AGPAT3: variants seen among roughly 807,000 people sequenced by gnomAD.
AGPAT3 encodes 1-acyl-sn-glycerol-3-phosphate acyltransferase gamma.
AGPAT3 carries 5 observed loss-of-function variants against 47.3 expected under a neutral mutation model. That is an observed-to-expected ratio of 0.11 (90% CI 0.06 to 0.22). AGPAT3 has a LOEUF of 0.22. Ranked by LOEUF, AGPAT3 falls within the 10% of genes least tolerant of loss-of-function variation. The probability of loss-of-function intolerance (pLI) is 1.00; values close to 1 mark genes in which losing one functional copy is unlikely to be tolerated. For missense variants in AGPAT3, 315 were observed against 493.0 expected (o/e 0.64, Z 3.42); for synonymous variants, 212 against 208.3 (o/e 1.02, Z -0.15).
chr21:43,898,657 G>C (rs563051115), intron 1 of AGPAT3, among the ~76,000 whole-genome samples: 1 of 152,124 alleles, frequency 6.6e-6, no homozygotes, highest in Non-Finnish European at 1.5e-5. Context: ...CTCCTGAGTA[G>C]CTGGGATTAC....
intron 1 of AGPAT3, among the ~76,000 whole-genome samples, chr21:43,883,081 C>T (rs2085890065): frequency 6.6e-6 from 1 of 152,238 alleles, no homozygotes; most frequent in South Asian, 2.1e-4. Context: ...TGCTGAATTG[C>T]TGGAGACTGT....
rs577137886 is a variant in AGPAT3, at chr21:43,944,160, C to T, written c.-48-15474C>T. On this transcript the variant is annotated intron_variant, in intron 2 of 9. Coordinates refer to ENST00000291572, the MANE Select transcript of AGPAT3 (RefSeq NM_020132.5). The stretch of plus-strand genomic sequence containing the variant: ...TGCTAGGGCCCCAGCATTTCACCCA[C>T]GTGGCAGAATCTGTGCCCCAAATGT... 3.9e-3 allele frequency among the ~76,000 whole-genome samples: 597 copies of T among 152,400 alleles called. 3 individuals are homozygous for T. Among genetic ancestry groups the T allele is most frequent in the African/African-American group, 0.013 (561 of 41,608 alleles).
chr21:43,914,885 A>G (rs1230073841), intron 2 of AGPAT3, among the ~76,000 whole-genome samples: 1 of 152,174 alleles, frequency 6.6e-6, no homozygotes, highest in Non-Finnish European at 1.5e-5. Flanking sequence ...TCTTAATTCT[A>G]TAAAATTCTA....
chr21:43,886,205 C>G (rs914279128), intron 1 of AGPAT3, among the ~76,000 whole-genome samples: 6 of 151,984 alleles, frequency 3.9e-5, no homozygotes, highest in African/African-American at 1.5e-4. Context: ...CCTGGCAGTC[C>G]CCCTGCTGTG....
At chr21:43,889,327 T>G (rs2145917903) in intron 1 of AGPAT3, among the ~76,000 whole-genome samples, 1 of 151,274 alleles carries the variant, frequency 6.6e-6, no homozygotes, top group Non-Finnish European at 1.5e-5. Flanking sequence ...GTTGAGAAAA[T>G]TCCCCTCCAT....
chr21:43,969,020 G>A (rs978725361), intron 4 of AGPAT3, 98 bp from the exon 5 acceptor site: 23 of 1,339,162 alleles, frequency 1.7e-5, no homozygotes, highest in South Asian at 2.7e-5. Flanking sequence ...CTCCTAGAGC[G>A]ACACCACACA....
At chr21:43,885,112 G>A (rs577588902) in intron 1 of AGPAT3, among the ~76,000 whole-genome samples, 9 of 152,320 alleles carry the variant, frequency 5.9e-5, no homozygotes, top group South Asian at 4.1e-4. Flanking sequence ...TACACTGGCC[G>A]GCCGTGCTCC....
chr21:43,900,199 G>A (rs985195635), intron 1 of AGPAT3, among the ~76,000 whole-genome samples: 2 of 152,206 alleles, frequency 1.3e-5, no homozygotes, highest in African/African-American at 4.8e-5. Context: ...AGGTCAGTGT[G>A]TCTTGGAGAG....
chr21:43,942,093 A>G (rs893995355), intron 2 of AGPAT3, among the ~76,000 whole-genome samples: 7 of 152,178 alleles, frequency 4.6e-5, no homozygotes, highest in Non-Finnish European at 2.9e-5. Flanking sequence ...CGAGGCCTCA[A>G]GTGGTGGCCT....
chr21:43,929,565 G>A (rs2087171674), intron 2 of AGPAT3, among the ~76,000 whole-genome samples: 1 of 152,254 alleles, frequency 6.6e-6, no homozygotes, highest in Non-Finnish European at 1.5e-5. Flanking sequence ...GCTGGCCACA[G>A]CAAAGCCACC....
Position 43,954,916 on chromosome 21 carries a change from C to A in AGPAT3, c.-48-4718C>A. On this transcript the variant is annotated intron_variant, in intron 2 of 9. Coordinates refer to ENST00000291572, the MANE Select transcript of AGPAT3 (RefSeq NM_020132.5). This position sits in a 1 kb window ranked among gnomAD's most constrained non-coding sequence, Gnocchi z 4.0. ...TCCGGGGAGTCTCTGCGTAGACTTT[C>A]TAGCCCAGAGGTTCAGGTGATGGAC... 1 of 741,276 alleles carries A rather than the reference C, an allele frequency of 1.3e-6. No individual in the cohort carries two copies. Among genetic ancestry groups the A allele is most frequent in the South Asian group, 2.4e-5 (1 of 41,956 alleles). The allele number at this position is 741,276 out of a possible 1,614,324, so 45.9% of individuals were successfully genotyped here.
At chr21:43,957,212 G>A (rs2088513016) in intron 2 of AGPAT3, among the ~76,000 whole-genome samples, 1 of 152,020 alleles carries the variant, frequency 6.6e-6, no homozygotes, top group African/African-American at 2.4e-5. Flanking sequence ...GGCCTGTATG[G>A]AGGGCGCTCT....
chr21:43,918,787 G>A (rs1254763836), intron 2 of AGPAT3, among the ~76,000 whole-genome samples: 1 of 152,168 alleles, frequency 6.6e-6, no homozygotes, highest in African/African-American at 2.4e-5. Flanking sequence ...ATGTTAGCCA[G>A]GCTGGTCTTG....
intron 1 of AGPAT3, among the ~76,000 whole-genome samples, chr21:43,877,173 A>G (rs2085752811): frequency 6.6e-6 from 1 of 151,936 alleles, no homozygotes; most frequent in Admixed American, 6.6e-5. Flanking sequence ...AGTTTTAACA[A>G]TTGCAAAATG....
At chr21:43,871,071 C>A (rs995199822) in intron 1 of AGPAT3, among the ~76,000 whole-genome samples, 1 of 152,238 alleles carries the variant, frequency 6.6e-6, no homozygotes, top group Non-Finnish European at 1.5e-5. Flanking sequence ...AAACTGCACA[C>A]GCCAAATTAC....
At chr21:43,884,771 G>T (rs1030705954) in intron 1 of AGPAT3, among the ~76,000 whole-genome samples, 1 of 152,068 alleles carries the variant, frequency 6.6e-6, no homozygotes, top group South Asian at 2.1e-4. Flanking sequence ...GGGTGGCCTG[G>T]TGCTGGGTAC....
rs995562289 is a variant in AGPAT3 at position 43,984,800 on chromosome 21, T to TC, written c.*2408_*2409insC. On this transcript the variant is annotated 3_prime_UTR_variant, in exon 10 of 10. Coordinates refer to ENST00000291572, the MANE Select transcript of AGPAT3 (RefSeq NM_020132.5). ...TAAATCCCAGAACAGTCTTTTTTTT[T>TC]TCTTTTTCCTTTACACCCTACTTCT... 13 of 193,666 alleles carry TC rather than the reference T, an allele frequency of 6.7e-5. No homozygotes were observed. The Admixed American group carries it at 7.1e-4, about 11-fold the overall frequency. 12.0% of individuals were successfully genotyped at this position (193,666 alleles called of 1,614,324 possible).
At chr21:43,967,667 G>A in intron 3 of AGPAT3, 1 of 403,088 alleles carries the variant, frequency 2.5e-6, no homozygotes. Flanking sequence ...ACACCAAGGT[G>A]CACGTGAGAA....
At chr21:43,912,013 G>A (rs888056780) in intron 2 of AGPAT3, among the ~76,000 whole-genome samples, 3 of 152,266 alleles carry the variant, frequency 2.0e-5, no homozygotes, top group South Asian at 2.1e-4. Flanking sequence ...TTGGCATTAG[G>A]TCAGGGGTCC....
Sources: allele counts gnomAD v4.1 joint callset (sites outside exome capture counted in the v4.1 genomes callset), GRCh38; gene constraint gnomAD v4.1.1; non-coding constraint Gnocchi (gnomAD v3.1); transcripts MANE v1.5; gene names NCBI Gene and HGNC (gene_info 2026-07-23, HGNC 2026-07-21).